Variants in FAM171A1 observed in about 807,000 individuals in gnomAD.
FAM171A1 encodes family with sequence similarity 171 member A1.
In FAM171A1, 23 loss-of-function variants were observed where a neutral mutation model predicts 74.9. The ratio of observed to expected loss-of-function variants is 0.31; its 90% CI spans 0.22 to 0.44. The LOEUF (loss-of-function observed/expected upper bound fraction) is 0.44. Among genes scored for constraint, FAM171A1 ranks in the 20% least tolerant of loss-of-function variants. FAM171A1 has a pLI of 1.00. For missense variants in FAM171A1, 1,162 were observed against 1,159.2 expected, an observed-to-expected ratio of 1.00 and a Z score of -0.03; for synonymous variants, 527 against 505.7, an observed-to-expected ratio of 1.04 and a Z score of -0.57.
chr10:15,371,914 G>A (rs1836154847), upstream of FAM171A1, among the ~76,000 whole-genome samples: 1 of 152,212 alleles, frequency 6.6e-6, no homozygotes, highest in African/African-American at 2.4e-5. Flanking sequence ...GAAAGGTTGG[G>A]TTCAACTCTG....
chr10:15,346,074 T>C (rs1177043134), intron 1 of FAM171A1, among the ~76,000 whole-genome samples: 5 of 152,098 alleles, frequency 3.3e-5, no homozygotes, highest in Admixed American at 3.3e-4. Flanking sequence ...GTGGAGGGGC[T>C]CTCCCATCAA....
At chr10:15,233,396 T>C (rs2131735365) in intron 5 of FAM171A1, among the ~76,000 whole-genome samples, 1 of 152,298 alleles carries the variant, frequency 6.6e-6, no homozygotes, top group Admixed American at 6.5e-5. Context: ...AACTTCAAAC[T>C]GCATACTGGA....
At chr10:15,372,532 C>A (rs1271913645), upstream of FAM171A1, among the ~76,000 whole-genome samples, 1 of 17,634 alleles carries the variant, frequency 5.7e-5, no homozygotes, top group Admixed American at 9.7e-4. Flanking sequence ...CCTGTCTCTA[C>A]CAAAAATACA....
chr10:15,374,180 C>T (rs17156612), upstream of FAM171A1, among the ~76,000 whole-genome samples: 785 of 152,266 alleles, frequency 5.2e-3, 6 homozygotes, highest in African/African-American at 0.018. Context: ...AGTTTATGTA[C>T]CCTCATAGCA....
chr10:15,252,791 C>A (rs1384645311), intron 4 of FAM171A1, among the ~76,000 whole-genome samples: 1 of 152,186 alleles, frequency 6.6e-6, no homozygotes, highest in Non-Finnish European at 1.5e-5. Flanking sequence ...TAAAATAGGA[C>A]AAACTCCTCT....
chr10:15,367,635 T>A (rs1311016570), intron 1 of FAM171A1, among the ~76,000 whole-genome samples: 1 of 152,238 alleles, frequency 6.6e-6, no homozygotes, highest in Non-Finnish European at 1.5e-5. Flanking sequence ...AGTGTTCTAA[T>A]AACTGAAGTT....
At chr10:15,234,666 T>A (rs1477168475) in intron 5 of FAM171A1, among the ~76,000 whole-genome samples, 1 of 151,722 alleles carries the variant, frequency 6.6e-6, no homozygotes, top group Non-Finnish European at 1.5e-5. Context: ...TCTTTTTTTT[T>A]TTTTGAGACG....
intron 1 of FAM171A1, among the ~76,000 whole-genome samples, chr10:15,369,781 A>G (rs1343580455): frequency 1.3e-5 from 2 of 152,208 alleles, no homozygotes; most frequent in Non-Finnish European, 2.9e-5. Flanking sequence ...GGGTTCCAGC[A>G]AGGAGACCCT....
intron 1 of FAM171A1, among the ~76,000 whole-genome samples, chr10:15,321,776 A>ATCAT (rs1186051408): frequency 6.6e-6 from 1 of 152,252 alleles, no homozygotes; most frequent in Non-Finnish European, 1.5e-5. Context: ...TGTATTTCAT[A>ATCAT]TCATTACAAG....
chr10:15,299,960 TCAAACAAACAAA>T (rs3033566), intron 1 of FAM171A1, among the ~76,000 whole-genome samples: 2 of 148,610 alleles, frequency 1.3e-5, no homozygotes, highest in Non-Finnish European at 3.0e-5. Context: ...AGACTCCATC[TCAAACAAACAAA>T]CAAACAAACA....
intron 3 of FAM171A1, among the ~76,000 whole-genome samples, chr10:15,269,436 G>A (rs1049918930): frequency 1.3e-5 from 2 of 151,970 alleles, no homozygotes; most frequent in South Asian, 2.1e-4. Flanking sequence ...GATTTAGATG[G>A]AATAGTATGC....
At chr10:15,299,505 G>T (rs937338488) in intron 1 of FAM171A1, among the ~76,000 whole-genome samples, 49 of 130,164 alleles carry the variant, frequency 3.8e-4, no homozygotes, top group Non-Finnish European at 1.2e-4. Context: ...TTGTTTTTTT[G>T]TCTAGGGCTT....
intron 1 of FAM171A1, among the ~76,000 whole-genome samples, chr10:15,346,489 G>A (rs907284193): frequency 1.3e-5 from 2 of 152,144 alleles, no homozygotes; most frequent in Non-Finnish European, 1.5e-5. Context: ...TACAGCTCCC[G>A]AATGAAAGCT....
At position 15,212,382 on chromosome 10, in the gene FAM171A1, A is replaced by G. The variant is rs561770219; in HGVS notation, c.*533T>C. On this transcript the variant is annotated 3_prime_UTR_variant, in exon 8 of 8. Transcript: ENST00000378116. Reference sequence around the variant, plus strand: ...TTTAAGCGACAACAAAAAAAGGCAAACCCCAAAACGCAACCTAACCAAAGC... The same window carrying G: ...TTTAAGCGACAACAAAAAAAGGCAAGCCCCAAAACGCAACCTAACCAAAGC... The G allele has an allele frequency of 5.7e-5, 9 of 156,586 alleles. No individual in the cohort carries two copies. Among genetic ancestry groups the G allele is most frequent in the Non-Finnish European group, 1.1e-4 (8 of 70,600 alleles). The allele number at this position is 156,586 out of a possible 1,614,324, so 9.7% of individuals were successfully genotyped here.
rs138766839 is a variant in FAM171A1 at position 15,332,060 on chromosome 10, G to A, written c.97+38896C>T. Among the ~76,000 whole-genome samples, 1,189 of 151,300 alleles carry A rather than the reference G, an allele frequency of 7.9e-3. 15 individuals carry two copies. The highest frequency in any genetic ancestry group is 0.027 in the African/African-American group (1,127 of 41,250). ...TGCCTCCCAGGTTCAGGCAATTCTC[G>A]TGCCTCAGCCTCCCAGGTAGTAGCT... On this transcript the variant is annotated intron_variant, in intron 1 of 7. Transcript: ENST00000378116.
chr10:15,273,902 T>C lies in FAM171A1; in HGVS notation c.418+1953A>G, dbSNP rs541602143. Among the ~76,000 whole-genome samples, 3 of 152,284 alleles carry C rather than the reference T, an allele frequency of 2.0e-5. No individual in the cohort carries two copies. The South Asian group carries it at 6.2e-4, about 32-fold the overall frequency. ...ATGTATCTCAAAATAATAAGAGCTA[T>C]TTATGACAAATCCACAGCGAATATC... is the stretch of plus-strand genomic sequence containing the variant. On this transcript the variant is annotated intron_variant, in intron 3 of 7. Transcript: ENST00000378116.
intron 1 of FAM171A1, among the ~76,000 whole-genome samples, chr10:15,303,310 A>G (rs1279229627): frequency 3.3e-5 from 5 of 152,212 alleles, no homozygotes; most frequent in Admixed American, 2.0e-4. Context: ...AAAATCACAC[A>G]CGATTGAAAT....
chr10:15,313,853 T>G (rs1166164217), intron 1 of FAM171A1, among the ~76,000 whole-genome samples: 1 of 152,224 alleles, frequency 6.6e-6, no homozygotes, highest in Non-Finnish European at 1.5e-5. Flanking sequence ...AAAGCAAGCC[T>G]CCACCTTCCC....
At chr10:15,231,958 T>G (rs1834212366) in intron 5 of FAM171A1, among the ~76,000 whole-genome samples, 1 of 152,090 alleles carries the variant, frequency 6.6e-6, no homozygotes, top group Non-Finnish European at 1.5e-5. Flanking sequence ...TGGGCCGTGG[T>G]GGCAGGTGCC....
Sources: allele counts gnomAD v4.1 joint callset (sites outside exome capture counted in the v4.1 genomes callset), GRCh38; gene constraint gnomAD v4.1.1; transcripts MANE v1.5; gene names NCBI Gene and HGNC (gene_info 2026-07-23, HGNC 2026-07-21).